PCDHA9: variants seen among roughly 807,000 people sequenced by gnomAD.
PCDHA9 encodes the protein protocadherin alpha-9.
Under a neutral mutation model 62.0 loss-of-function variants are expected in PCDHA9, and 62 were observed. The ratio of observed to expected loss-of-function variants is 1.00; its 90% CI spans 0.81 to 1.23. The LOEUF (loss-of-function observed/expected upper bound fraction) is 1.23. Among genes scored for constraint, PCDHA9 ranks in the 50% most tolerant of loss-of-function variants. The pLI, the probability that PCDHA9 is intolerant of heterozygous loss-of-function variation, is 0.00. For synonymous variants in PCDHA9, 557 were observed against 567.6 expected, an observed-to-expected ratio of 0.98 and a Z score of 0.27; for missense variants, 1,205 against 1,249.8, an observed-to-expected ratio of 0.96 and a Z score of 0.54.
In PCDHA9 at chr5:141,010,350, G is replaced by A; in HGVS notation, c.*413G>A. The A allele has an allele frequency of 6.6e-7, 1 of 1,515,722 alleles. No individual in the cohort carries two copies. Among genetic ancestry groups the A allele is most frequent in the Non-Finnish European group, 8.8e-7 (1 of 1,132,152 alleles). The allele number at this position is 1,515,722 out of a possible 1,614,324, so 93.9% of individuals were successfully genotyped here. A position where few individuals can be genotyped will look rare whatever the true frequency, so the allele number is the denominator to read the frequency against. ...GGGAGTTTGTGGCCACTGGGTATGT[G>A]TGGCTACCGCGGGTATGCGAGTGCC... is the stretch of plus-strand genomic sequence containing the variant. On this transcript the variant is annotated 3_prime_UTR_variant, in exon 4 of 4. Transcript: ENST00000532602.
chr5:140,864,279 T>C (rs1554158753), intron 1 of PCDHA9: 1 of 152,238 alleles, frequency 6.6e-6, no homozygotes, highest in African/African-American at 2.4e-5. Context: ...CCATTCCTTA[T>C]TGTTTTTATG....
chr5:140,923,209 G>C (rs1454479273), intron 1 of PCDHA9, among the ~76,000 whole-genome samples: 3 of 150,998 alleles, frequency 2.0e-5, no homozygotes, highest in Non-Finnish European at 4.4e-5. Flanking sequence ...GGAGGCTAAG[G>C]TGAAAGGATC....
intron 1 of PCDHA9, chr5:140,884,546 T>C (rs1554181711): frequency 6.2e-7 from 1 of 1,614,082 alleles, no homozygotes; most frequent in Non-Finnish European, 8.5e-7. Flanking sequence ...GAGGGTGTGC[T>C]CTGGGGAGGG....
intron 1 of PCDHA9, among the ~76,000 whole-genome samples, chr5:140,953,706 G>A (rs1464812227): frequency 1.3e-5 from 2 of 152,144 alleles, no homozygotes; most frequent in Non-Finnish European, 1.5e-5. Context: ...ACTAGACTGA[G>A]CTTCAGACAT....
rs1554202869 is a variant in PCDHA9, at chr5:140,925,671, A to AATG, written c.2395-53276_2395-53275insGAT. Among the ~76,000 whole-genome samples the AATG allele has an allele frequency of 4.6e-4, 68 of 148,180 alleles. 1 individual carries two copies. The highest frequency in any genetic ancestry group is 1.6e-3 in the African/African-American group (66 of 40,022). On this transcript the variant is annotated intron_variant, in intron 1 of 3. Transcript: ENST00000532602. ...TAATAATAATAATAATAATAATAAT[A>AATG]ATAATAAAGCGAGGGTGGGTATCTA...
At chr5:140,947,996 T>C (rs185303145) in intron 1 of PCDHA9, among the ~76,000 whole-genome samples, 1 of 126,772 alleles carries the variant, frequency 7.9e-6, no homozygotes, top group Non-Finnish European at 1.7e-5. Context: ...CCAAATACTT[T>C]ATTAAATTTA....
chr5:140,875,516 TG>T, intron 1 of PCDHA9: 1 of 1,613,976 alleles, frequency 6.2e-7, no homozygotes, highest in Non-Finnish European at 8.5e-7. Context: ...CAGCGTCTGC[TG>T]CTCTCGCTTC....
intron 1 of PCDHA9, among the ~76,000 whole-genome samples, chr5:140,956,692 C>T (rs246012): frequency 0.56 from 85,656 of 151,960 alleles, 24,760 homozygotes; most frequent in African/African-American, 0.69. Context: ...CCTCCTTTTC[C>T]ATTGTTTGGA....
In PCDHA9 at chr5:140,850,223, A is replaced by T; in HGVS notation, c.1728A>T (p.Ala576=). 1 of 1,593,640 alleles carries T rather than the reference A, an allele frequency of 6.3e-7. No individual in the cohort carries two copies. The highest frequency in any genetic ancestry group is 8.6e-7 in the Non-Finnish European group (1 of 1,167,580). ...LTPRMRGTDG[A]VSEMVLRSVG... is the part of the protein sequence containing the mutation. ...CTCGGATGAGGGGCACTGACGGCGC[A>T]GTGAGCGAGATGGTGCTGCGGTCGG... The change falls in exon 1 of 4, where the codon GCA becomes GCT. Residue 576 remains alanine, a synonymous_variant. Coordinates refer to ENST00000532602, the MANE Select transcript of PCDHA9 (RefSeq NM_031857.2).
intron 2 of PCDHA9, 103 bp downstream of exon 2, chr5:140,979,110 C>G (rs1223081047): frequency 4.6e-5 from 69 of 1,515,610 alleles, no homozygotes; most frequent in Non-Finnish European, 5.9e-5. Flanking sequence ...AACTAAAAAG[C>G]TTTAGGTACT....
At chr5:140,896,672 C>T (rs912022786) in intron 1 of PCDHA9, among the ~76,000 whole-genome samples, 7 of 152,028 alleles carry the variant, frequency 4.6e-5, no homozygotes, top group Middle Eastern at 3.2e-3. Flanking sequence ...TCACTGTGCC[C>T]GGCCCTTTGC....
At chr5:140,969,935 T>C (rs1490184904) in intron 1 of PCDHA9, among the ~76,000 whole-genome samples, 2 of 152,222 alleles carry the variant, frequency 1.3e-5, no homozygotes, top group Non-Finnish European at 2.9e-5. Context: ...TTAGACATCA[T>C]ACTGAAGCTA....
intron 2 of PCDHA9, among the ~76,000 whole-genome samples, chr5:140,979,721 C>T (rs2153819868): frequency 6.6e-6 from 1 of 152,290 alleles, no homozygotes; most frequent in East Asian, 1.9e-4. Context: ...GTATCCATGC[C>T]ATGGGGCCAA....
At chr5:140,989,555 T>G (rs923190578) in intron 3 of PCDHA9, among the ~76,000 whole-genome samples, 1 of 152,204 alleles carries the variant, frequency 6.6e-6, no homozygotes, top group African/African-American at 2.4e-5. Flanking sequence ...CCTTTACGTT[T>G]TGTGGCTCCG....
chr5:140,935,501 A>G (rs1337847677), intron 1 of PCDHA9, among the ~76,000 whole-genome samples: 1 of 152,250 alleles, frequency 6.6e-6, no homozygotes, highest in East Asian at 1.9e-4. Context: ...GCACATCCTT[A>G]CAAATGCCCA....
Position 141,010,476 on chromosome 5 carries a change from G to T in PCDHA9, c.*539G>T. ...GAAGTTATCAGTATGGAGGGGAAGT[G>T]TAAACTTAAAGGGACCAGACTTTCT... is the stretch of plus-strand genomic sequence containing the variant. On this transcript the variant is annotated 3_prime_UTR_variant, in exon 4 of 4. Coordinates refer to ENST00000532602, the MANE Select transcript of PCDHA9 (RefSeq NM_031857.2). 1.3e-6 allele frequency: 1 copy of T among 752,476 alleles called. No individual in the cohort carries two copies. Among genetic ancestry groups the T allele is most frequent in the Non-Finnish European group, 2.0e-6 (1 of 499,640 alleles). The allele number at this position is 752,476 out of a possible 1,614,324, so 46.6% of individuals were successfully genotyped here. A position where few individuals can be genotyped will look rare whatever the true frequency, so the allele number is the denominator to read the frequency against.
chr5:140,881,326 C>G, intron 1 of PCDHA9: 1 of 984,388 alleles, frequency 1.0e-6, no homozygotes, highest in Non-Finnish European at 1.2e-6. Flanking sequence ...TTCTATTTAA[C>G]CAGGACGCCG....
chr5:140,882,715 A>G (rs143870647), intron 1 of PCDHA9: 102 of 1,614,124 alleles, frequency 6.3e-5, no homozygotes, highest in African/African-American at 1.7e-4. Context: ...GACCTCCGGA[A>G]ACTCGATTTC....
intron 1 of PCDHA9, chr5:140,929,284 A>G: frequency 6.2e-7 from 1 of 1,600,764 alleles, no homozygotes; most frequent in Non-Finnish European, 8.5e-7. Flanking sequence ...CTGTATTCAG[A>G]TTCGGAATAG....
Sources: allele counts gnomAD v4.1 joint callset (sites outside exome capture counted in the v4.1 genomes callset), GRCh38; gene constraint gnomAD v4.1.1; transcripts MANE v1.5; gene names NCBI Gene and HGNC (gene_info 2026-07-23, HGNC 2026-07-21).